Variants in IL1RAPL1 observed in about 807,000 individuals in gnomAD.
IL1RAPL1 encodes the protein interleukin 1 receptor accessory protein like 1, also known as interleukin-1 receptor accessory protein-like 1.
A neutral mutation model predicts 48.4 loss-of-function variants in IL1RAPL1; 3 were observed. The observed-to-expected ratio is 0.06, with a 90% confidence interval of 0.03 to 0.16. The LOEUF (loss-of-function observed/expected upper bound fraction) is 0.16, where lower values mean the gene tolerates loss of function less well. Ranked by LOEUF, IL1RAPL1 falls within the 10% of genes least tolerant of loss-of-function variation. IL1RAPL1 has a pLI of 1.00. For synonymous variants in IL1RAPL1, 185 were observed against 187.7 expected (o/e 0.99, Z 0.12); for missense variants, 349 against 530.6 (o/e 0.66, Z 3.36).
chrX:29,796,544 C>T (rs938691232), intron 6 of IL1RAPL1, among the ~76,000 whole-genome samples: 1 of 111,823 alleles, frequency 8.9e-6, no homozygotes, highest in South Asian at 3.7e-4. Flanking sequence ...AATCTATCAT[C>T]ATTTCTTGTG....
chrX:29,823,725 A>G (rs143072082), intron 6 of IL1RAPL1, among the ~76,000 whole-genome samples: 2,215 of 111,844 alleles, frequency 0.02, 56 homozygotes, highest in African/African-American at 0.068. Flanking sequence ...ATGAATATTG[A>G]GGTGTCATAA....
intron 6 of IL1RAPL1, among the ~76,000 whole-genome samples, chrX:29,801,000 CAAAAAAAAAAAAAAAAAA>C (rs781152873): frequency 0.022 from 38 of 1,742 alleles, 1 homozygote; most frequent in African/African-American, 0.038. Flanking sequence ...AACTCCGTCT[CAAAAAAAAAAAAAAAAAA>C]AAAAAAAAAA....
chrX:29,194,677 C>T lies in IL1RAPL1; in HGVS notation c.83-88261C>T, dbSNP rs150440619. 5.8e-3 allele frequency among the ~76,000 whole-genome samples: 643 copies of T among 111,749 alleles called. 3 individuals are homozygous for T. Among genetic ancestry groups the T allele is most frequent in the Non-Finnish European group, 7.8e-3 (416 of 53,119 alleles). On this transcript the variant is annotated intron_variant, in intron 2 of 10. Coordinates refer to ENST00000378993, the MANE Select transcript of IL1RAPL1 (RefSeq NM_014271.4). ...AAAAGACACTGGTATTTAATAAAGACGAAGGAATTACTTGGGTATGAAATG... is the reference window on the plus strand; with the variant it reads ...AAAAGACACTGGTATTTAATAAAGATGAAGGAATTACTTGGGTATGAAATG...
chrX:29,381,851 T>C (rs1304716582), intron 3 of IL1RAPL1, among the ~76,000 whole-genome samples: 2 of 96,176 alleles, frequency 2.1e-5, no homozygotes, highest in Non-Finnish European at 4.1e-5. Flanking sequence ...TATATATATA[T>C]ATATATATAT....
chrX:29,934,125 C>A (rs1364476165), intron 8 of IL1RAPL1, among the ~76,000 whole-genome samples: 1 of 111,114 alleles, frequency 9.0e-6, no homozygotes, highest in East Asian at 2.8e-4. Flanking sequence ...ATTGGAAGTG[C>A]AAGATCCTAA....
In IL1RAPL1 at chrX:29,158,940, CTCCCTCCCT is replaced by C. The variant is rs1289888080; in HGVS notation, c.83-123997_83-123989del. ...TCTCTCTCTCTCTCTCTCCCCCCCCCTCCCTCCCTCTCCCTCTCTCTCTCTCTCTCTCTT... is the reference window on the plus strand; with the variant it reads ...TCTCTCTCTCTCTCTCTCCCCCCCCCCTCCCTCTCTCTCTCTCTCTCTCTT... On this transcript the variant is annotated intron_variant, in intron 2 of 10. Coordinates refer to ENST00000378993, the MANE Select transcript of IL1RAPL1 (RefSeq NM_014271.4). Among the ~76,000 whole-genome samples, 149 of 59,532 alleles carry C rather than the reference CTCCCTCCCT, an allele frequency of 2.5e-3. 2 individuals carry two copies. The highest frequency in any genetic ancestry group is 0.023 in the Middle Eastern group (3 of 132). 51.7% of individuals were successfully genotyped at this position (59,532 alleles called of 115,157 possible).
chrX:28,932,885 A>G (rs139433602), intron 2 of IL1RAPL1, among the ~76,000 whole-genome samples: 1,796 of 110,963 alleles, frequency 0.016, 23 homozygotes, highest in Non-Finnish European at 0.026. Context: ...TTATTTTCAA[A>G]ATGCCAAAGT....
At chrX:29,275,588 G>A (rs1225063250) in intron 2 of IL1RAPL1, among the ~76,000 whole-genome samples, 1 of 111,914 alleles carries the variant, frequency 8.9e-6, no homozygotes, top group Non-Finnish European at 1.9e-5. Flanking sequence ...CATATTTCCT[G>A]CTCCATTATT....
chrX:29,920,010 G>A lies in IL1RAPL1; in HGVS notation c.973G>A (p.Glu325Lys). The A allele has an allele frequency of 5.0e-6, 6 of 1,209,640 alleles. No individual in the cohort carries two copies. Among genetic ancestry groups the A allele is most frequent in the Non-Finnish European group, 6.7e-6 (6 of 893,575 alleles). The change falls in exon 8 of 11, where the codon GAA becomes AAA. Residue 325 changes from glutamate (E) to lysine (K), a missense_variant. Physicochemically the swap from Glu to Lys is moderately conservative, Grantham distance 56 (BLOSUM62 1). Coordinates refer to ENST00000378993, the MANE Select transcript of IL1RAPL1 (RefSeq NM_014271.4). ...VSISLIVDSVEEGDLGNYSCY... is the reference protein window; with the variant it reads ...VSISLIVDSVKEGDLGNYSCY... Reference sequence around the variant, plus strand: ...CATCTCATTAATTGTGGACTCTGTGGAAGAAGGTGACTTGGGAAATTACTC... The same window carrying A: ...CATCTCATTAATTGTGGACTCTGTGAAAGAAGGTGACTTGGGAAATTACTC...
chrX:29,669,025 A>G (rs546822341), intron 6 of IL1RAPL1, among the ~76,000 whole-genome samples: 6 of 111,822 alleles, frequency 5.4e-5, no homozygotes, highest in African/African-American at 1.3e-4. Context: ...TTAAGGGACT[A>G]GCAGATTTGG....
At chrX:29,545,277 T>C (rs1363884595) in intron 5 of IL1RAPL1, among the ~76,000 whole-genome samples, 4 of 110,909 alleles carry the variant, frequency 3.6e-5, no homozygotes, top group Non-Finnish European at 7.5e-5. Context: ...GAAGTGAAAA[T>C]AACATGCTAG....
intron 6 of IL1RAPL1, among the ~76,000 whole-genome samples, chrX:29,685,994 A>G (rs762701885): frequency 9.0e-6 from 1 of 111,392 alleles, no homozygotes; most frequent in East Asian, 2.8e-4. Flanking sequence ...CAAAAAAAAA[A>G]AAGAAAGAAA....
At chrX:29,900,158 C>CA (rs1337816319) in intron 6 of IL1RAPL1, among the ~76,000 whole-genome samples, 1 of 111,610 alleles carries the variant, frequency 9.0e-6, no homozygotes, top group Non-Finnish European at 1.9e-5. Flanking sequence ...TGGCGACTAA[C>CA]AAAAATCCTT....
intron 6 of IL1RAPL1, among the ~76,000 whole-genome samples, chrX:29,734,406 T>G (rs1222265125): frequency 8.9e-6 from 1 of 112,053 alleles, no homozygotes; most frequent in Non-Finnish European, 1.9e-5. Context: ...TCTCTCTGGT[T>G]AAATTATAAT....
At chrX:29,492,235 G>A (rs1173696027) in intron 5 of IL1RAPL1, among the ~76,000 whole-genome samples, 1 of 112,335 alleles carries the variant, frequency 8.9e-6, no homozygotes, top group African/African-American at 3.2e-5. Flanking sequence ...TTATTTACAT[G>A]TTTACATGTG....
intron 2 of IL1RAPL1, among the ~76,000 whole-genome samples, chrX:29,119,564 T>C (rs1928741738): frequency 8.9e-6 from 1 of 111,816 alleles, no homozygotes; most frequent in East Asian, 2.8e-4. Context: ...AGAAACAGAT[T>C]GATGGATACA....
chrX:28,695,637 G>C (rs1021638305), intron 1 of IL1RAPL1, among the ~76,000 whole-genome samples: 2 of 111,704 alleles, frequency 1.8e-5, no homozygotes, highest in Non-Finnish European at 3.8e-5. Flanking sequence ...TCAGAAGTCC[G>C]ATTTTTAATG....
intron 2 of IL1RAPL1, among the ~76,000 whole-genome samples, chrX:29,107,720 C>CT (rs749711349): frequency 2.7e-5 from 3 of 111,947 alleles, no homozygotes; most frequent in South Asian, 7.4e-4. Flanking sequence ...ACTCAAGAGA[C>CT]TTTTTTTGTC....
intron 1 of IL1RAPL1, among the ~76,000 whole-genome samples, chrX:28,640,057 G>A (rs113754640): frequency 9.0e-6 from 1 of 111,685 alleles, no homozygotes; most frequent in African/African-American, 3.2e-5. Context: ...TAGGTCCCTT[G>A]CATTTTCTGA....
Sources: gnomAD v4.1 joint callset for allele counts (sites outside exome capture counted in the v4.1 genomes callset) on GRCh38, gnomAD v4.1.1 for gene constraint, MANE v1.5 for transcripts, NCBI Gene and HGNC (gene_info 2026-07-23, HGNC 2026-07-21) for gene names.